Variants in LYRM4 observed in about 807,000 individuals in gnomAD.
The protein encoded by LYRM4 is LYR motif containing 4, also known as LYR motif-containing protein 4.
A neutral mutation model predicts 11.7 loss-of-function variants in LYRM4; 9 were observed. That is an observed-to-expected ratio of 0.77 (90% CI 0.46 to 1.34). The LOEUF (loss-of-function observed/expected upper bound fraction) is 1.34, where lower values mean the gene tolerates loss of function less well. Ranked by LOEUF, LYRM4 falls within the 40% of genes most tolerant of loss-of-function variation. LYRM4 has a pLI of 0.00. For missense variants in LYRM4, 133 were observed against 112.5 expected, an observed-to-expected ratio of 1.18 and a Z score of -0.82; for synonymous variants, 42 against 40.4, an observed-to-expected ratio of 1.04 and a Z score of -0.15.
intron 1 of LYRM4, among the ~76,000 whole-genome samples, chr6:5,251,197 G>A (rs955641963): frequency 6.6e-6 from 1 of 152,188 alleles, no homozygotes; most frequent in East Asian, 1.9e-4. Context: ...CACACTGTGA[G>A]TTTTCAAGAA....
At chr6:5,120,507 T>G (rs1259320389) in intron 2 of LYRM4, among the ~76,000 whole-genome samples, 2 of 152,056 alleles carry the variant, frequency 1.3e-5, no homozygotes, top group Admixed American at 1.3e-4. Flanking sequence ...AGCAGCAAGA[T>G]TTATTGTGGA....
At chr6:5,125,874 C>T (rs762138360) in intron 2 of LYRM4, among the ~76,000 whole-genome samples, 6 of 152,158 alleles carry the variant, frequency 3.9e-5, no homozygotes, top group Admixed American at 6.5e-5. Flanking sequence ...TTCTGATGTG[C>T]GTTTTGGTTC....
At chr6:5,062,618 G>C in the LYRM4 span, among the ~76,000 whole-genome samples, 1 of 152,168 alleles carries the variant, frequency 6.6e-6, no homozygotes. Flanking sequence ...GGAAGGATTA[G>C]AAGCCTCCCT....
the LYRM4 span, among the ~76,000 whole-genome samples, chr6:5,058,779 T>TAA: frequency 2.0e-5 from 3 of 152,220 alleles, no homozygotes; most frequent in South Asian, 2.1e-4. Flanking sequence ...TATATATATA[T>TAA]AATGCTTGAA....
chr6:5,131,554 T>C (rs373524929), intron 2 of LYRM4, among the ~76,000 whole-genome samples: 46 of 152,088 alleles, frequency 3.0e-4, no homozygotes, highest in African/African-American at 9.6e-4. Context: ...AAAAAGAAAA[T>C]TGTGCCTGCA....
At chr6:5,069,724 C>T in the LYRM4 span, among the ~76,000 whole-genome samples, 1 of 152,194 alleles carries the variant, frequency 6.6e-6, no homozygotes, top group Non-Finnish European at 1.5e-5. Flanking sequence ...CATGATCCGC[C>T]TGCCTCAGCC....
chr6:5,081,046 G>A, the LYRM4 span, among the ~76,000 whole-genome samples: 16 of 151,080 alleles, frequency 1.1e-4, no homozygotes, highest in East Asian at 3.9e-4. Context: ...ACGAACAAAC[G>A]GTAAAGCTTG....
At chr6:5,171,477 A>G (rs1305329012) in intron 2 of LYRM4, among the ~76,000 whole-genome samples, 1 of 152,200 alleles carries the variant, frequency 6.6e-6, no homozygotes, top group Admixed American at 6.5e-5. Flanking sequence ...ACCAACATCA[A>G]ACAAAAATAA....
the LYRM4 span, among the ~76,000 whole-genome samples, chr6:5,077,328 G>A: frequency 6.6e-6 from 1 of 152,188 alleles, no homozygotes; most frequent in Non-Finnish European, 1.5e-5. Context: ...TCTGCCTCAC[G>A]TAGAAAAAGT....
At chr6:5,051,452 C>G in the LYRM4 span, among the ~76,000 whole-genome samples, 1 of 152,064 alleles carries the variant, frequency 6.6e-6, no homozygotes, top group Non-Finnish European at 1.5e-5. Context: ...ACACCGAATC[C>G]CTGGGAAGGT....
the LYRM4 span, chr6:5,043,183 G>A: frequency 2.6e-5 from 4 of 151,962 alleles, no homozygotes; most frequent in Admixed American, 2.6e-4. Flanking sequence ...CCTCCAACAA[G>A]ATAACTGCAG....
At chr6:5,090,421 G>A in the LYRM4 span, among the ~76,000 whole-genome samples, 1 of 152,184 alleles carries the variant, frequency 6.6e-6, no homozygotes, top group African/African-American at 2.4e-5. This position sits in a 1 kb window ranked among gnomAD's most constrained non-coding sequence, Gnocchi z 4.8. Context: ...ACTTAACTAG[G>A]GAGGGTAGGA....
At chr6:5,120,809 C>T (rs371750324) in intron 2 of LYRM4, among the ~76,000 whole-genome samples, 10 of 152,048 alleles carry the variant, frequency 6.6e-5, no homozygotes, top group African/African-American at 9.7e-5. Context: ...TACAGAGTGC[C>T]GATTGGTGCG....
chr6:5,256,970 G>A (rs1008574857), intron 1 of LYRM4, among the ~76,000 whole-genome samples: 9 of 151,992 alleles, frequency 5.9e-5, no homozygotes, highest in Non-Finnish European at 1.2e-4. Flanking sequence ...CCCTTCTAAT[G>A]ATTTATCAAA....
At chr6:5,105,097 A>G (rs1218094990), downstream of LYRM4, 1 of 152,170 alleles carries the variant, frequency 6.6e-6, no homozygotes, top group Non-Finnish European at 1.5e-5. Context: ...ATTAATACAG[A>G]GATGCTCTCT....
At chr6:5,066,919 G>T in the LYRM4 span, 5 of 1,135,794 alleles carry the variant, frequency 4.4e-6, no homozygotes, top group South Asian at 6.1e-5. Context: ...ATGCAAAAGC[G>T]ACCAGCGCCC....
chr6:5,166,791 T>C (rs1351018949), intron 2 of LYRM4, among the ~76,000 whole-genome samples: 1 of 152,198 alleles, frequency 6.6e-6, no homozygotes. Flanking sequence ...GGACCATTTG[T>C]ATGTGAATGA....
At chr6:5,247,589 T>C (rs1366486564) in intron 1 of LYRM4, among the ~76,000 whole-genome samples, 1 of 152,226 alleles carries the variant, frequency 6.6e-6, no homozygotes, top group Non-Finnish European at 1.5e-5. Flanking sequence ...GCAGAAAACA[T>C]GTATAAAATC....
At chr6:5,219,249 C>T (rs1230827224) in intron 1 of LYRM4, among the ~76,000 whole-genome samples, 1 of 152,176 alleles carries the variant, frequency 6.6e-6, no homozygotes, top group Non-Finnish European at 1.5e-5. Flanking sequence ...TTAAAACACT[C>T]AACAATTTAT....
Sources: allele counts gnomAD v4.1 joint callset (sites outside exome capture counted in the v4.1 genomes callset), GRCh38; gene constraint gnomAD v4.1.1; non-coding constraint Gnocchi (gnomAD v3.1); transcripts MANE v1.5; gene names NCBI Gene and HGNC (gene_info 2026-07-23, HGNC 2026-07-21).